The following PCDH11X variants were observed in gnomAD, a reference collection of about 807,000 sequenced individuals.
The protein encoded by PCDH11X is protocadherin 11 X-linked, also known as protocadherin-11 X-linked.
A neutral mutation model predicts 53.3 loss-of-function variants in PCDH11X; 18 were observed. The observed-to-expected ratio is 0.34, with a 90% CI of 0.23 to 0.50. The LOEUF (loss-of-function observed/expected upper bound fraction) is 0.50. Ranked by LOEUF, PCDH11X falls within the 20% of genes least tolerant of loss-of-function variation. PCDH11X has a pLI of 0.98. For synonymous variants in PCDH11X, 279 were observed against 393.3 expected, an observed-to-expected ratio of 0.71 and a Z score of 3.44; for missense variants, 570 against 1,032.4, an observed-to-expected ratio of 0.55 and a Z score of 6.14.
intron 10 of PCDH11X, among the ~76,000 whole-genome samples, chrX:92,572,128 T>C (rs1922278320): frequency 1.8e-5 from 2 of 112,368 alleles, no homozygotes; most frequent in Non-Finnish European, 3.8e-5. Flanking sequence ...AATTGTAATG[T>C]AGATTACAGT....
chrX:92,587,092 AAGAGATCAAAAAG>A (rs1476681301), intron 10 of PCDH11X, among the ~76,000 whole-genome samples: 3 of 108,001 alleles, frequency 2.8e-5, no homozygotes, highest in Non-Finnish European at 5.8e-5. Context: ...CTGAAAGTGC[AAGAGATCAAAAAG>A]AGAGATCAAA....
intron 8 of PCDH11X, among the ~76,000 whole-genome samples, chrX:92,281,174 A>G (rs1358902745): frequency 1.8e-5 from 2 of 111,626 alleles, no homozygotes; most frequent in Non-Finnish European, 3.8e-5. Context: ...CTCCACAGCA[A>G]CTTAACCACC....
At chrX:92,096,081 T>A (rs145261301) in intron 6 of PCDH11X, among the ~76,000 whole-genome samples, 3,294 of 112,024 alleles carry the variant, frequency 0.029, 87 homozygotes, top group African/African-American at 0.081. Context: ...TATATTGTTA[T>A]CACAGTGGGC....
chrX:91,919,460 TTACA>T (rs1941675671), intron 6 of PCDH11X, among the ~76,000 whole-genome samples: 1 of 111,827 alleles, frequency 8.9e-6, no homozygotes, highest in Non-Finnish European at 1.9e-5. Flanking sequence ...ATTAAAGCAA[TTACA>T]TTAATGCATC....
At chrX:91,926,072 A>ACACG (rs1491386596) in intron 6 of PCDH11X, among the ~76,000 whole-genome samples, 1 of 46,066 alleles carries the variant, frequency 2.2e-5, no homozygotes, top group African/African-American at 8.8e-5. Context: ...ACACACACAA[A>ACACG]CACGCACACA....
intron 10 of PCDH11X, among the ~76,000 whole-genome samples, chrX:92,568,345 G>C (rs1340666387): frequency 6.4e-5 from 7 of 109,072 alleles, no homozygotes; most frequent in East Asian, 2.9e-4. Flanking sequence ...CAGCGTGAAC[G>C]TGGGAGGCGG....
chrX:92,339,136 T>A (rs1449529615), intron 8 of PCDH11X, among the ~76,000 whole-genome samples: 1 of 111,783 alleles, frequency 8.9e-6, no homozygotes, highest in Non-Finnish European at 1.9e-5. Flanking sequence ...ACATCTGATT[T>A]TTGACAAAGT....
At chrX:92,383,789 C>G (rs1271317749) in intron 8 of PCDH11X, among the ~76,000 whole-genome samples, 3 of 111,791 alleles carry the variant, frequency 2.7e-5, no homozygotes, top group Non-Finnish European at 5.6e-5. Context: ...TAAACATACA[C>G]GTGCATGAGT....
chrX:91,919,855 C>T, intron 6 of PCDH11X, among the ~76,000 whole-genome samples: 1 of 111,545 alleles, frequency 9.0e-6, no homozygotes, highest in Non-Finnish European at 1.9e-5. Context: ...TATATTTCCT[C>T]TAAAAGAAGT....
At chrX:92,530,507 T>G (rs2074535175) in intron 10 of PCDH11X, among the ~76,000 whole-genome samples, 1 of 112,154 alleles carries the variant, frequency 8.9e-6, no homozygotes, top group Non-Finnish European at 1.9e-5. Context: ...TTTTCCTAAT[T>G]CTATGTAATG....
chrX:91,971,768 C>T (rs892741444), intron 6 of PCDH11X, among the ~76,000 whole-genome samples: 1 of 111,425 alleles, frequency 9.0e-6, no homozygotes, highest in African/African-American at 3.3e-5. Flanking sequence ...GCATTGAAAG[C>T]TTATGTAAAA....
chrX:91,836,900 G>T (rs2147621404), intron 5 of PCDH11X, among the ~76,000 whole-genome samples: 1 of 110,816 alleles, frequency 9.0e-6, no homozygotes, highest in African/African-American at 3.3e-5. Context: ...GATATAAAGA[G>T]AAATAGATAA....
chrX:92,270,112 CTTT>C (rs760007148), intron 8 of PCDH11X, among the ~76,000 whole-genome samples: 2 of 95,597 alleles, frequency 2.1e-5, no homozygotes, highest in East Asian at 6.8e-4. Context: ...GCTTCCTTTT[CTTT>C]TTTTTTTTTT....
chrX:91,784,062 T>A (rs1935252632), intron 1 of PCDH11X, among the ~76,000 whole-genome samples: 1 of 112,136 alleles, frequency 8.9e-6, no homozygotes, highest in Non-Finnish European at 1.9e-5. Context: ...AGGAAGGGCA[T>A]GAGGGCTTGA....
chrX:92,168,833 G>A (rs1195564861), intron 6 of PCDH11X, among the ~76,000 whole-genome samples: 1 of 111,287 alleles, frequency 9.0e-6, no homozygotes, highest in Non-Finnish European at 1.9e-5. Flanking sequence ...CAAAATCCCA[G>A]TTTCATCAAG....
intron 6 of PCDH11X, among the ~76,000 whole-genome samples, chrX:92,004,016 T>C (rs1040198642): frequency 9.2e-6 from 1 of 108,254 alleles, no homozygotes; most frequent in African/African-American, 3.3e-5. Context: ...GATGTAGGCA[T>C]TTATAGCCAT....
At chrX:92,370,484 G>A (rs2522627) in intron 8 of PCDH11X, among the ~76,000 whole-genome samples, 1 of 95,296 alleles carries the variant, frequency 1.0e-5, no homozygotes, top group East Asian at 3.8e-4. Flanking sequence ...TTTTGAGACA[G>A]AGTCTCGCCT....
In PCDH11X at chrX:92,504,973, G is replaced by T. The variant is rs62598712; in HGVS notation, c.3367+36651G>T. On this transcript the variant is annotated intron_variant, in intron 10 of 10. Coordinates refer to ENST00000682573, the MANE Select transcript of PCDH11X (RefSeq NM_032968.5). Reference sequence around the variant, plus strand: ...ATGTTCTTTGGCCACTTTTGAATGGGGAATGCTTTCAGCTTTTGCTCAATT... The same window carrying T: ...ATGTTCTTTGGCCACTTTTGAATGGTGAATGCTTTCAGCTTTTGCTCAATT... 5.6e-3 allele frequency among the ~76,000 whole-genome samples: 608 copies of T among 108,736 alleles called. 2 individuals are homozygous for T. The highest frequency in any genetic ancestry group is 7.9e-3 in the Non-Finnish European group (412 of 52,042). 94.4% of individuals were successfully genotyped at this position (108,736 alleles called of 115,157 possible).
At chrX:92,190,330 C>T (rs1211483587) in intron 6 of PCDH11X, among the ~76,000 whole-genome samples, 7 of 111,462 alleles carry the variant, frequency 6.3e-5, no homozygotes, top group African/African-American at 2.3e-4. Context: ...GAATTCTTTC[C>T]CCATTGCTTG....
Sources: allele counts gnomAD v4.1 joint callset (sites outside exome capture counted in the v4.1 genomes callset), GRCh38; gene constraint gnomAD v4.1.1; transcripts MANE v1.5; gene names NCBI Gene and HGNC (gene_info 2026-07-23, HGNC 2026-07-21).